Variants in LNPEP observed in about 807,000 individuals in gnomAD.
LNPEP encodes the protein leucyl and cystinyl aminopeptidase.
In LNPEP, 64 loss-of-function variants were observed where a neutral mutation model predicts 120.6. The ratio of observed to expected loss-of-function variants is 0.53; its 90% CI spans 0.43 to 0.65. The LOEUF is 0.65. LNPEP is among the 30% of genes least tolerant of loss of function. The pLI, the probability that LNPEP is intolerant of heterozygous loss-of-function variation, is 0.00. For missense variants in LNPEP, 1,057 were observed against 1,200.0 expected (o/e 0.88, Z 1.76); for synonymous variants, 435 against 425.4 (o/e 1.02, Z -0.28).
chr5:97,011,257 G>T (rs1403718858), intron 11 of LNPEP: 17 of 899,094 alleles, frequency 1.9e-5, no homozygotes, highest in Non-Finnish European at 2.3e-5. Flanking sequence ...ACAGGGTCCT[G>T]CTCTGTCACC....
chr5:96,959,150 A>G (rs1789539205), intron 1 of LNPEP, among the ~76,000 whole-genome samples: 1 of 152,056 alleles, frequency 6.6e-6, no homozygotes, highest in Non-Finnish European at 1.5e-5. Context: ...TTTCCATCTC[A>G]AGGTCTGTAA....
rs1791409509 is a variant in LNPEP at position 97,028,774 on chromosome 5, C to T, written c.*241C>T. On this transcript the variant is annotated 3_prime_UTR_variant, in exon 18 of 18. Coordinates refer to ENST00000231368, the MANE Select transcript of LNPEP (RefSeq NM_005575.3). ...CCTAAATGCCAACCATCTACAAAAA[C>T]AATGAGTAATTTTTCTACTTTGAAG... is the stretch of plus-strand genomic sequence containing the variant. 1 of 348,736 alleles carries T rather than the reference C, an allele frequency of 2.9e-6. No individual in the cohort carries two copies. The highest frequency in any genetic ancestry group is 3.5e-5 in the South Asian group (1 of 28,812). The allele number at this position is 348,736 out of a possible 1,614,324, so 21.6% of individuals were successfully genotyped here. A position where few individuals can be genotyped will look rare whatever the true frequency, so the allele number is the denominator to read the frequency against.
intron 1 of LNPEP, among the ~76,000 whole-genome samples, chr5:96,978,755 T>G (rs934169149): frequency 6.6e-6 from 1 of 152,176 alleles, no homozygotes; most frequent in Non-Finnish European, 1.5e-5. Context: ...TACTGACTCC[T>G]CGCCTGGTGG....
Position 97,030,160 on chromosome 5 carries a change from A to C in LNPEP, c.*1627A>C, listed in dbSNP as rs1167482612. ...ATATAATAAAATTTAAAAGGCTGGT[A>C]AGCTAAAAAAATAGTCTTCTTTAAT... On this transcript the variant is annotated 3_prime_UTR_variant, in exon 18 of 18. Coordinates refer to ENST00000231368, the MANE Select transcript of LNPEP (RefSeq NM_005575.3). 6.6e-6 allele frequency: 1 copy of C among 152,000 alleles called. No homozygotes were observed. Among genetic ancestry groups the C allele is most frequent in the Non-Finnish European group, 1.5e-5 (1 of 67,974 alleles). 9.4% of individuals were successfully genotyped at this position (152,000 alleles called of 1,614,324 possible). A position where few individuals can be genotyped will look rare whatever the true frequency, so the allele number is the denominator to read the frequency against.
intron 2 of LNPEP, 144 bp downstream of exon 2, chr5:96,980,122 G>A: frequency 1.3e-6 from 1 of 749,928 alleles, no homozygotes; most frequent in Non-Finnish European, 2.1e-6. Flanking sequence ...TGGTGATTTA[G>A]AACAATATAT....
At chr5:97,021,327 T>G (rs1481001573) in intron 13 of LNPEP, among the ~76,000 whole-genome samples, 1 of 152,210 alleles carries the variant, frequency 6.6e-6, no homozygotes, top group East Asian at 1.9e-4. Flanking sequence ...ATGAACAGTG[T>G]ATGGGTGTTG....
rs1160402498 is a variant in LNPEP, at chr5:96,954,772, A to ATT, written c.19+18625_19+18626dup. ...CACATATATATATATATATATATAT[A>ATT]TTTTTTTTTTTTTTTTTTTTTTTTT... On this transcript the variant is annotated intron_variant, in intron 1 of 17. Transcript: ENST00000231368. Among the ~76,000 whole-genome samples the ATT allele has an allele frequency of 8.1e-4, 22 of 27,108 alleles. 1 individual carries two copies. The highest frequency in any genetic ancestry group is 1.8e-3 in the African/African-American group (12 of 6,606). 17.8% of individuals were successfully genotyped at this position (27,108 alleles called of 152,430 possible). A position where few individuals can be genotyped will look rare whatever the true frequency, so the allele number is the denominator to read the frequency against.
chr5:96,954,768 A>AT (rs1581981619), intron 1 of LNPEP, among the ~76,000 whole-genome samples: 3 of 36,096 alleles, frequency 8.3e-5, no homozygotes, highest in African/African-American at 3.0e-4. Context: ...ATATATATAT[A>AT]TATATTTTTT....
Position 97,021,923 on chromosome 5 carries a change from G to GTT in LNPEP, c.2377-352_2377-351dup, listed in dbSNP as rs1165456605. Among the ~76,000 whole-genome samples the GTT allele has an allele frequency of 1.1e-3, 62 of 57,182 alleles. 8 individuals are homozygous for GTT. The highest frequency in any genetic ancestry group is 2.4e-3 in the African/African-American group (32 of 13,068). The allele number at this position is 57,182 out of a possible 152,430, so 37.5% of individuals were successfully genotyped here. ...GGGTTTTTTTTGTTTTTTGTCTTTT[G>GTT]TTTTTTTTTTTTTTTTTTTTTTTTT... On this transcript the variant is annotated intron_variant, in intron 13 of 17. Transcript: ENST00000231368.
intron 1 of LNPEP, among the ~76,000 whole-genome samples, chr5:96,976,245 C>CA (rs555966971): frequency 0.029 from 4,283 of 145,838 alleles, 67 homozygotes; most frequent in Non-Finnish European, 0.04. Flanking sequence ...ATTGTGCATA[C>CA]AAAAAAAAAA....
Position 96,992,966 on chromosome 5 carries a change from C to T in LNPEP, c.1132-49C>T, listed in dbSNP as rs200161919. ...TTGACAGTGCTACTTGAGTATCATG[C>T]CATTTTAATTGTACCTGTCCTTGCA... On this transcript the variant is annotated intron_variant, in intron 4 of 17. Transcript: ENST00000231368. 2.9e-5 allele frequency: 41 copies of T among 1,405,694 alleles called. No homozygotes were observed. In the African/African-American group the frequency reaches 5.7e-4, roughly 19 times the overall value. The allele number at this position is 1,405,694 out of a possible 1,614,324, so 87.1% of individuals were successfully genotyped here. A position where few individuals can be genotyped will look rare whatever the true frequency, so the allele number is the denominator to read the frequency against.
At chr5:96,936,244 C>G (rs1269610826) in intron 1 of LNPEP, 70 bp downstream of exon 1, 1 of 1,275,106 alleles carries the variant, frequency 7.8e-7, no homozygotes, top group East Asian at 3.2e-5. Flanking sequence ...AGTCGTGACA[C>G]GCGGGGTCGG....
intron 14 of LNPEP, among the ~76,000 whole-genome samples, chr5:97,022,940 A>G (rs1791247260): frequency 1.3e-5 from 2 of 151,840 alleles, no homozygotes; most frequent in African/African-American, 4.8e-5. Context: ...CATAAAATTT[A>G]CTGTCTTAAC....
intron 1 of LNPEP, among the ~76,000 whole-genome samples, chr5:96,948,076 G>A (rs1789232813): frequency 6.6e-6 from 1 of 151,256 alleles, no homozygotes; most frequent in Non-Finnish European, 1.5e-5. Context: ...GGGCAGTGGT[G>A]ATCCGGGAAG....
chr5:96,990,593 C>T (rs1313457384), intron 4 of LNPEP, among the ~76,000 whole-genome samples: 1 of 152,074 alleles, frequency 6.6e-6, no homozygotes, highest in Admixed American at 6.5e-5. Context: ...AATCTAAGTT[C>T]TATACATGTA....
chr5:96,976,428 A>C (rs558259998), intron 1 of LNPEP, among the ~76,000 whole-genome samples: 1 of 152,304 alleles, frequency 6.6e-6, no homozygotes, highest in East Asian at 1.9e-4. Context: ...ATTTGAAATT[A>C]ATGACATGCA....
At chr5:96,999,762 C>T (rs1790601498) in intron 8 of LNPEP, among the ~76,000 whole-genome samples, 1 of 152,044 alleles carries the variant, frequency 6.6e-6, no homozygotes, top group South Asian at 2.1e-4. Context: ...TTGTCAACCC[C>T]TGTCAACATG....
At chr5:96,970,137 A>G (rs1561435531) in intron 1 of LNPEP, among the ~76,000 whole-genome samples, 1 of 151,784 alleles carries the variant, frequency 6.6e-6, no homozygotes, top group Non-Finnish European at 1.5e-5. Context: ...TGAATGTTTC[A>G]TATGTATTTC....
chr5:96,988,958 G>A (rs1211462163), intron 4 of LNPEP, among the ~76,000 whole-genome samples: 1 of 151,870 alleles, frequency 6.6e-6, no homozygotes, highest in Non-Finnish European at 1.5e-5. Flanking sequence ...CTTTCATCTA[G>A]GCAAGCTGAA....
Sources: allele counts gnomAD v4.1 joint callset (sites outside exome capture counted in the v4.1 genomes callset), GRCh38; gene constraint gnomAD v4.1.1; transcripts MANE v1.5; gene names NCBI Gene and HGNC (gene_info 2026-07-23, HGNC 2026-07-21).